Variants in UBASH3B observed in about 807,000 individuals in gnomAD.
UBASH3B encodes ubiquitin associated and SH3 domain containing B.
Under a neutral mutation model 83.4 loss-of-function variants are expected in UBASH3B, and 37 were observed. The observed-to-expected ratio is 0.44, with a 90% CI of 0.34 to 0.58. The LOEUF is 0.58. UBASH3B is among the 20% of genes least tolerant of loss of function. The probability of loss-of-function intolerance (pLI) is 0.01; values close to 1 mark genes in which losing one functional copy is unlikely to be tolerated. For synonymous variants in UBASH3B, 304 were observed against 318.3 expected (o/e 0.96, Z 0.48); for missense variants, 657 against 827.2 (o/e 0.79, Z 2.52).
rs554532389 is a variant in UBASH3B, at chr11:122,789,085, C to G, written c.772-15C>G. The G allele has an allele frequency of 2.5e-5, 40 of 1,607,202 alleles. No individual in the cohort carries two copies. The East Asian group carries it at 7.8e-4, about 31-fold the overall frequency. On this transcript the variant is annotated splice_polypyrimidine_tract_variant and intron_variant, in intron 5 of 13. Transcript: ENST00000284273. The stretch of plus-strand genomic sequence containing the variant: ...GTGAGGCATGGGGCTCACTCACCCT[C>G]TCTTCCTTTTCCAGACATTACAGGT...
rs1355758486 is a variant in UBASH3B at position 122,814,225 on chromosome 11, G to T, written c.*4339G>T. On this transcript the variant is annotated 3_prime_UTR_variant, in exon 14 of 14. Transcript: ENST00000284273. ...TATTGGTTTCTTTCTCATTTATAAGGCTATTGTATTTTTTTTTGTATGTGA... is the reference window on the plus strand; with the variant it reads ...TATTGGTTTCTTTCTCATTTATAAGTCTATTGTATTTTTTTTTGTATGTGA... 1 of 148,080 alleles carries T rather than the reference G, an allele frequency of 6.8e-6. No individual in the cohort carries two copies. The highest frequency in any genetic ancestry group is 2.5e-5 in the African/African-American group (1 of 40,626). The allele number at this position is 148,080 out of a possible 1,614,324, so 9.2% of individuals were successfully genotyped here.
At chr11:122,662,905 T>G (rs1251149568) in intron 1 of UBASH3B, among the ~76,000 whole-genome samples, 1 of 152,052 alleles carries the variant, frequency 6.6e-6, no homozygotes, top group Non-Finnish European at 1.5e-5. Flanking sequence ...TATTTGGATG[T>G]GCTAGTAGGG....
chr11:122,728,586 G>T (rs545974714), intron 1 of UBASH3B, among the ~76,000 whole-genome samples: 4 of 152,120 alleles, frequency 2.6e-5, no homozygotes, highest in African/African-American at 9.7e-5. Context: ...GCCTCCCCAG[G>T]GAGATCTTTG....
At chr11:122,783,612 C>A (rs1860896169) in intron 5 of UBASH3B, among the ~76,000 whole-genome samples, 1 of 151,668 alleles carries the variant, frequency 6.6e-6, no homozygotes, top group African/African-American at 2.4e-5. Flanking sequence ...ATATAAATAC[C>A]AAAGAAAACA....
At chr11:122,723,001 G>A (rs911064096) in intron 1 of UBASH3B, among the ~76,000 whole-genome samples, 4 of 152,236 alleles carry the variant, frequency 2.6e-5, no homozygotes, top group Admixed American at 6.5e-5. Context: ...CACCGCGCCC[G>A]GCCCAGACCT....
intron 7 of UBASH3B, 40 bp from the exon 8 acceptor site, chr11:122,796,116 G>C (rs1483390482): frequency 6.2e-7 from 1 of 1,609,540 alleles, no homozygotes; most frequent in Admixed American, 1.7e-5. Context: ...TGTCCACTTT[G>C]CCATGTGTGT....
intron 13 of UBASH3B, among the ~76,000 whole-genome samples, chr11:122,808,881 T>C (rs1861388111): frequency 1.3e-5 from 2 of 152,028 alleles, no homozygotes; most frequent in Non-Finnish European, 2.9e-5. Flanking sequence ...AATGCAGCTC[T>C]GGACACAGAC....
intron 1 of UBASH3B, among the ~76,000 whole-genome samples, chr11:122,662,518 G>A (rs982878601): frequency 6.8e-6 from 1 of 146,584 alleles, no homozygotes; most frequent in African/African-American, 2.5e-5. Context: ...TGCAACCTCC[G>A]CCTCCCAGGT....
intron 1 of UBASH3B, among the ~76,000 whole-genome samples, chr11:122,691,941 C>T (rs1044461488): frequency 1.3e-5 from 2 of 152,288 alleles, no homozygotes; most frequent in Non-Finnish European, 2.9e-5. Flanking sequence ...GATCTGGCTT[C>T]TGATCATGAA....
At chr11:122,701,464 C>A (rs1297293196) in intron 1 of UBASH3B, among the ~76,000 whole-genome samples, 1 of 152,116 alleles carries the variant, frequency 6.6e-6, no homozygotes, top group African/African-American at 2.4e-5. Context: ...GGGATGGGAG[C>A]CTTTCAAGCT....
chr11:122,800,859 C>T (rs1045672798), intron 10 of UBASH3B, among the ~76,000 whole-genome samples: 4 of 152,050 alleles, frequency 2.6e-5, no homozygotes, highest in Non-Finnish European at 4.4e-5. Flanking sequence ...TGCCCTCCTC[C>T]GCCTCCCAAA....
intron 1 of UBASH3B, among the ~76,000 whole-genome samples, chr11:122,760,713 G>A (rs1309176616): frequency 6.6e-6 from 1 of 152,126 alleles, no homozygotes; most frequent in East Asian, 1.9e-4. Context: ...AATGTTTGAG[G>A]GTGAAACTGA....
intron 10 of UBASH3B, among the ~76,000 whole-genome samples, chr11:122,799,905 A>T (rs1861222497): frequency 6.6e-6 from 1 of 152,244 alleles, no homozygotes; most frequent in South Asian, 2.1e-4. Context: ...TGAATGAGCC[A>T]GAAATAAACA....
At position 122,714,866 on chromosome 11, in the gene UBASH3B, C is replaced by T. The variant is rs192029760; in HGVS notation, c.161+58656C>T. Among the ~76,000 whole-genome samples, 370 of 152,302 alleles carry T rather than the reference C, an allele frequency of 2.4e-3. 2 individuals carry two copies. The highest frequency in any genetic ancestry group is 8.6e-3 in the African/African-American group (359 of 41,568). On this transcript the variant is annotated intron_variant, in intron 1 of 13. Transcript: ENST00000284273. ...TACAAAGTATTTACCTTCTCCTTCT[C>T]TCATCTGTAAAGTGAGTGCAATTTT...
At chr11:122,730,545 A>G (rs1860825204) in intron 1 of UBASH3B, among the ~76,000 whole-genome samples, 1 of 151,764 alleles carries the variant, frequency 6.6e-6, no homozygotes. Flanking sequence ...ATCGCTGCAC[A>G]ACTGAGCTTG....
chr11:122,724,315 G>A (rs1013191252), intron 1 of UBASH3B, among the ~76,000 whole-genome samples: 11 of 152,156 alleles, frequency 7.2e-5, no homozygotes, highest in Non-Finnish European at 1.6e-4. Context: ...ATTATGTGTG[G>A]AGTGCTTAGA....
At position 122,730,567 on chromosome 11, in the gene UBASH3B, C is replaced by T. The variant is rs539403670; in HGVS notation, c.162-45652C>T. ...CACAACTGAGCTTGCCTTCTCAGCCCGCTGTGATGCAAATATTTGGATTCT... is the reference window on the plus strand; with the variant it reads ...CACAACTGAGCTTGCCTTCTCAGCCTGCTGTGATGCAAATATTTGGATTCT... On this transcript the variant is annotated intron_variant, in intron 1 of 13. Transcript: ENST00000284273. Among the ~76,000 whole-genome samples, 55 of 152,032 alleles carry T rather than the reference C, an allele frequency of 3.6e-4. No homozygotes were observed. In the South Asian group the frequency reaches 7.7e-3, roughly 21 times the overall value.
At chr11:122,661,677 C>T (rs1054292828) in intron 1 of UBASH3B, among the ~76,000 whole-genome samples, 2 of 152,154 alleles carry the variant, frequency 1.3e-5, no homozygotes, top group Non-Finnish European at 2.9e-5. Context: ...AGATACCCCA[C>T]AGCAGTCTTG....
intron 1 of UBASH3B, among the ~76,000 whole-genome samples, chr11:122,772,942 C>G (rs895757041): frequency 2.0e-5 from 3 of 152,224 alleles, no homozygotes; most frequent in Non-Finnish European, 2.9e-5. Flanking sequence ...CATGACAAAA[C>G]TTCAACAATT....
Sources: allele counts gnomAD v4.1 joint callset (sites outside exome capture counted in the v4.1 genomes callset), GRCh38; gene constraint gnomAD v4.1.1; transcripts MANE v1.5; gene names NCBI Gene and HGNC (gene_info 2026-07-23, HGNC 2026-07-21).